The following PCDHA4 variants were observed in gnomAD, a reference collection of about 807,000 sequenced individuals.
PCDHA4 encodes the protein protocadherin alpha 4.
Under a neutral mutation model 61.4 loss-of-function variants are expected in PCDHA4, and 49 were observed. The ratio of observed to expected loss-of-function variants is 0.80; its 90% confidence interval spans 0.63 to 1.01. The LOEUF (loss-of-function observed/expected upper bound fraction) is 1.01, where lower values mean the gene tolerates loss of function less well. PCDHA4 is among the 50% of genes least tolerant of loss of function. The pLI is 0.00. For synonymous variants in PCDHA4, 590 were observed against 550.3 expected, an observed-to-expected ratio of 1.07 and a Z score of -1.01; for missense variants, 1,254 against 1,235.8, an observed-to-expected ratio of 1.01 and a Z score of -0.22.
At chr5:140,852,397 C>A in intron 1 of PCDHA4, 1 of 184,368 alleles carries the variant, frequency 5.4e-6, no homozygotes, top group Non-Finnish European at 1.2e-5. Flanking sequence ...CCTGCCTCAG[C>A]CTCCTGAGTA....
intron 1 of PCDHA4, chr5:140,841,611 G>C (rs2150319293): frequency 6.2e-7 from 1 of 1,614,018 alleles, no homozygotes. Context: ...GAGCTGTGCG[G>C]GCGGAGCGCG....
intron 1 of PCDHA4, among the ~76,000 whole-genome samples, chr5:140,891,369 A>G (rs13168533): frequency 0.051 from 7,710 of 152,068 alleles, 281 homozygotes; most frequent in Non-Finnish European, 0.073. Context: ...AGCAGTATAC[A>G]TTGCACCATA....
chr5:140,830,029 G>C (rs781984096), intron 1 of PCDHA4: 2 of 1,613,792 alleles, frequency 1.2e-6, no homozygotes, highest in Non-Finnish European at 1.7e-6. Flanking sequence ...CGCGCCACCG[G>C]CTGCTGGTGC....
chr5:140,841,346 C>T, intron 1 of PCDHA4: 1 of 1,612,554 alleles, frequency 6.2e-7, no homozygotes, highest in Non-Finnish European at 8.5e-7. Context: ...GCGAGGAGAG[C>T]TGGGATCCTG....
intron 1 of PCDHA4, chr5:140,823,264 C>G (rs1052475502): frequency 3.1e-5 from 50 of 1,612,792 alleles, no homozygotes; most frequent in Non-Finnish European, 4.2e-5. Flanking sequence ...GGTGGAGCGG[C>G]GGGTGGGCGA....
chr5:140,970,854 T>TC (rs112843531), intron 1 of PCDHA4, among the ~76,000 whole-genome samples: 13,960 of 152,238 alleles, frequency 0.092, 852 homozygotes, highest in African/African-American at 0.17. Context: ...GCACAAAAGT[T>TC]CCATTCCTGA....
intron 1 of PCDHA4, among the ~76,000 whole-genome samples, chr5:140,961,632 A>G (rs373824042): frequency 7.9e-5 from 12 of 152,214 alleles, no homozygotes; most frequent in South Asian, 4.1e-4. Flanking sequence ...ATGAAAAACA[A>G]TCTTAAGTCT....
intron 1 of PCDHA4, chr5:140,824,225 A>G: frequency 1.3e-6 from 2 of 1,554,028 alleles, no homozygotes; most frequent in Non-Finnish European, 1.8e-6. Context: ...ATTATGTCTT[A>G]GTACACAAAT....
At chr5:140,836,301 A>G (rs2150257154) in intron 1 of PCDHA4, 2 of 1,613,612 alleles carry the variant, frequency 1.2e-6, no homozygotes, top group South Asian at 1.1e-5. Context: ...CCTAGATGAG[A>G]CGGACGCACC....
intron 1 of PCDHA4, among the ~76,000 whole-genome samples, chr5:140,819,072 A>G (rs1766484697): frequency 6.6e-6 from 1 of 152,220 alleles, no homozygotes; most frequent in Non-Finnish European, 1.5e-5. Flanking sequence ...GACTCATTAT[A>G]CAGGCAGCGC....
chr5:140,966,645 C>T (rs369620766), intron 1 of PCDHA4: 7 of 1,125,658 alleles, frequency 6.2e-6, no homozygotes, highest in Non-Finnish European at 8.2e-6. Flanking sequence ...CTTTCTAGAG[C>T]GTGAGCGGTG....
intron 1 of PCDHA4, among the ~76,000 whole-genome samples, chr5:140,949,539 A>G (rs971813092): frequency 6.6e-6 from 1 of 151,744 alleles, no homozygotes; most frequent in Admixed American, 6.6e-5. Context: ...TAAAATATCG[A>G]TTTGTTGCTG....
intron 1 of PCDHA4, among the ~76,000 whole-genome samples, chr5:140,902,200 TTTC>T (rs1318376699): frequency 6.9e-6 from 1 of 144,634 alleles, no homozygotes; most frequent in African/African-American, 2.7e-5. Flanking sequence ...TCTCTCTCTC[TTTC>T]TTTTTTTTTT....
At chr5:140,895,143 A>C (rs115893558) in intron 1 of PCDHA4, among the ~76,000 whole-genome samples, 3,577 of 152,272 alleles carry the variant, frequency 0.023, 51 homozygotes, top group Middle Eastern at 0.034. Flanking sequence ...CATAGGGCTA[A>C]GACAGGTTTA....
chr5:140,883,503 C>T (rs782604086), intron 1 of PCDHA4: 7 of 1,614,204 alleles, frequency 4.3e-6, no homozygotes, highest in Non-Finnish European at 5.9e-6. Flanking sequence ...CTGGACAGCG[C>T]CCTGGACCGC....
chr5:140,927,213 G>C (rs1384969721), intron 1 of PCDHA4: 11 of 1,614,000 alleles, frequency 6.8e-6, no homozygotes, highest in Non-Finnish European at 9.3e-6. Flanking sequence ...CGCTGGAGCT[G>C]CACAAGATTC....
At chr5:140,963,952 G>T (rs1466185819) in intron 1 of PCDHA4, among the ~76,000 whole-genome samples, 1 of 152,176 alleles carries the variant, frequency 6.6e-6, no homozygotes, top group Non-Finnish European at 1.5e-5. Context: ...TTAGTCACTG[G>T]CAGGAGTGTG....
At chr5:140,860,453 G>A (rs1444199849) in intron 1 of PCDHA4, 5 of 152,018 alleles carry the variant, frequency 3.3e-5, no homozygotes, top group African/African-American at 1.2e-4. Flanking sequence ...ATTAATTCAC[G>A]TGATAATACA....
At chr5:140,875,893 C>T (rs781840611) in intron 1 of PCDHA4, 1 of 1,614,140 alleles carries the variant, frequency 6.2e-7, no homozygotes, top group Non-Finnish European at 8.5e-7. Flanking sequence ...ACAAAAGGTA[C>T]CTGTTTCTGA....
Sources: allele counts gnomAD v4.1 joint callset (sites outside exome capture counted in the v4.1 genomes callset), GRCh38; gene constraint gnomAD v4.1.1; transcripts MANE v1.5; gene names NCBI Gene and HGNC (gene_info 2026-07-23, HGNC 2026-07-21).